The following CHRNB4 variants were observed in gnomAD, a reference collection of about 807,000 sequenced individuals.
The protein encoded by CHRNB4 is neuronal acetylcholine receptor subunit beta-4.
A neutral mutation model predicts 40.4 loss-of-function variants in CHRNB4; 23 were observed. The ratio of observed to expected loss-of-function variants is 0.57; its 90% CI spans 0.41 to 0.81. The LOEUF (loss-of-function observed/expected upper bound fraction) is 0.81, where lower values mean the gene tolerates loss of function less well. Ranked by LOEUF, CHRNB4 falls within the 30% of genes least tolerant of loss-of-function variation. The pLI is 0.00. For synonymous variants in CHRNB4, 285 were observed against 274.4 expected (o/e 1.04, Z -0.38); for missense variants, 568 against 670.6 (o/e 0.85, Z 1.69).
chr15:78,641,720 A>G (rs1232622218), upstream of CHRNB4, among the ~76,000 whole-genome samples: 1 of 152,198 alleles, frequency 6.6e-6, no homozygotes, highest in Admixed American at 6.5e-5. Context: ...TGAATAGCTC[A>G]GGGCCCCTCA....
At chr15:78,630,429 C>T (rs1389651059) in intron 4 of CHRNB4, among the ~76,000 whole-genome samples, 6 of 152,174 alleles carry the variant, frequency 3.9e-5, no homozygotes, top group Non-Finnish European at 8.8e-5. Flanking sequence ...TGAGCCACCA[C>T]ACCCGGCCCA....
At chr15:78,637,677 G>A (rs2053982046) in intron 1 of CHRNB4, among the ~76,000 whole-genome samples, 1 of 152,186 alleles carries the variant, frequency 6.6e-6, no homozygotes, top group Admixed American at 6.5e-5. Flanking sequence ...CTTAGGGGTG[G>A]GTGCTGGGCT....
At chr15:78,640,787 TCCAGCCCACTGC>T (rs1393089136) in intron 1 of CHRNB4, among the ~76,000 whole-genome samples, 4 of 152,294 alleles carry the variant, frequency 2.6e-5, no homozygotes, top group Non-Finnish European at 2.9e-5. Context: ...GCCGGTGTCA[TCCAGCCCACTGC>T]CCAGCCCACA....
chr15:78,657,188 C>T (rs191472705), intron 3 of CHRNB4: 4 of 152,194 alleles, frequency 2.6e-5, no homozygotes, highest in African/African-American at 9.6e-5. Context: ...CCACGACTGG[C>T]TAATTTTTGT....
Position 78,624,934 on chromosome 15 carries a change from C to T in CHRNB4, c.*199G>A, listed in dbSNP as rs1221604840. 6.7e-7 allele frequency: 1 copy of T among 1,486,572 alleles called. No homozygotes were observed. The highest frequency in any genetic ancestry group is 1.3e-5 in the South Asian group (1 of 76,520). 92.1% of individuals were successfully genotyped at this position (1,486,572 alleles called of 1,614,324 possible). ...CTGAAGCTCCCTCCTACTGGGGCTT[C>T]CTGGGATCCCTCCAAGGCATTCAGA... On this transcript the variant is annotated 3_prime_UTR_variant, in exon 6 of 6. Transcript: ENST00000261751.
rs779257686 is a variant in CHRNB4, at chr15:78,629,061, C to G, written c.1244G>C (p.Arg415Pro). The G allele has an allele frequency of 6.2e-7, 1 of 1,614,160 alleles. No homozygotes were observed. ...ATCCTGTCGGAACCTCCCAGAGGAC[C>G]GCAGCCAGAAATCCCTGGGGATAGC... ...PVAIPRDFWL[R>P]SSGRFRQDVQ... The change falls in exon 5 of 6, where the codon CGG becomes CCG. Residue 415 changes from arginine to proline, a missense_variant. Coordinates refer to ENST00000261751, the MANE Select transcript of CHRNB4 (RefSeq NM_000750.5). This position sits in a 1 kb window ranked among gnomAD's most constrained non-coding sequence, Gnocchi z 6.8.
intron 5 of CHRNB4, among the ~76,000 whole-genome samples, chr15:78,653,475 C>T (rs2054189219): frequency 6.6e-6 from 1 of 152,194 alleles, no homozygotes; most frequent in African/African-American, 2.4e-5. Flanking sequence ...CCTCACCTGG[C>T]TCCCCAGCTG....
intron 2 of CHRNB4, among the ~76,000 whole-genome samples, chr15:78,657,798 CG>C (rs1264146949): frequency 6.6e-6 from 1 of 151,990 alleles, no homozygotes; most frequent in African/African-American, 2.4e-5. Flanking sequence ...ATGATCTGCC[CG>C]CCTCGGCCTC....
chr15:78,625,379 A>C, intron 5 of CHRNB4, 88 bp from the exon 6 acceptor site: 1 of 1,276,512 alleles, frequency 7.8e-7, no homozygotes. Context: ...CTGGCCAGGG[A>C]CTCCACAGGC....
intron 5 of CHRNB4, 75 bp downstream of exon 5, chr15:78,628,892 A>G: frequency 6.6e-7 from 1 of 1,514,998 alleles, no homozygotes. Context: ...AATTAACTGC[A>G]GGAAGTGGGA....
chr15:78,632,912 A>C (rs1229275786), intron 2 of CHRNB4, among the ~76,000 whole-genome samples: 2 of 152,172 alleles, frequency 1.3e-5, no homozygotes, highest in African/African-American at 4.8e-5. Flanking sequence ...CTTCGTACGC[A>C]GCCCAAATAA....
intron 4 of CHRNB4, 122 bp from the exon 5 acceptor site, chr15:78,630,067 G>T: frequency 8.8e-7 from 1 of 1,134,134 alleles, no homozygotes; most frequent in Non-Finnish European, 1.2e-6. Flanking sequence ...CAATCCCCCA[G>T]GCCCTCACTG....
At chr15:78,626,434 GGT>G (rs932214017) in intron 5 of CHRNB4, 2 of 151,272 alleles carry the variant, frequency 1.3e-5, no homozygotes, top group Non-Finnish European at 2.9e-5. Context: ...AGTTAATCAG[GGT>G]GGGTAAAAGT....
rs1029430468 is a variant in CHRNB4 at position 78,641,141 on chromosome 15, G to A, written c.-8C>T. The A allele has an allele frequency of 1.9e-6, 3 of 1,551,836 alleles. No homozygotes were observed. The highest frequency in any genetic ancestry group is 1.4e-5 in the African/African-American group (1 of 72,462). On this transcript the variant is annotated 5_prime_UTR_variant, in exon 1 of 6. Coordinates refer to ENST00000261751, the MANE Select transcript of CHRNB4 (RefSeq NM_000750.5). ...GGAAGGCGCGCGCCTCATGGCCGGC[G>A]GGGCCGGGTGGCAGCCGCCGCGAGC... is the stretch of plus-strand genomic sequence containing the variant.
intron 5 of CHRNB4, 90 bp from the exon 6 acceptor site, chr15:78,625,381 TCCACAGG>T: frequency 2.4e-6 from 3 of 1,256,656 alleles, no homozygotes; most frequent in South Asian, 3.2e-5. Context: ...GGCCAGGGAC[TCCACAGG>T]CCACAGGCGT....
intron 1 of CHRNB4, among the ~76,000 whole-genome samples, chr15:78,659,172 G>C (rs548231686): frequency 6.6e-6 from 1 of 152,034 alleles, no homozygotes; most frequent in Non-Finnish European, 1.5e-5. Flanking sequence ...CTCATGCCTG[G>C]AGTCCCAGCA....
chr15:78,632,289 T>A (rs2053849552), intron 2 of CHRNB4, among the ~76,000 whole-genome samples: 1 of 143,546 alleles, frequency 7.0e-6, no homozygotes, highest in African/African-American at 2.6e-5. Flanking sequence ...CTCCCTTTCT[T>A]TCTTTTCTTT....
At chr15:78,658,700 A>G (rs1403883772) in intron 1 of CHRNB4, among the ~76,000 whole-genome samples, 1 of 152,224 alleles carries the variant, frequency 6.6e-6, no homozygotes, top group Non-Finnish European at 1.5e-5. Flanking sequence ...TGAAGCTATC[A>G]ATGTCCTCTT....
chr15:78,629,128 C>T lies in CHRNB4; in HGVS notation c.1177G>A (p.Ala393Thr), dbSNP rs962959008. 49 of 1,613,938 alleles carry T rather than the reference C, an allele frequency of 3.0e-5. No homozygotes were observed. Among genetic ancestry groups the T allele is most frequent in the Middle Eastern group, 3.3e-4 (2 of 6,084 alleles). The change falls in exon 5 of 6, where the codon GCC becomes ACC. Residue 393 changes from alanine to threonine, a missense_variant. Around this residue, in one of 4 missense-constraint regions of CHRNB4, gnomAD observed 242 missense variants for 274.9 expected, o/e 0.88. Coordinates refer to ENST00000261751, the MANE Select transcript of CHRNB4 (RefSeq NM_000750.5). This position sits in a 1 kb window ranked among gnomAD's most constrained non-coding sequence, Gnocchi z 6.8. Reference sequence around the variant, plus strand: ...GCTGGAGACTTGGAAGCTGCAGAGGCGGGGTTCACAAAGTACATGGAGTTC... The same window carrying T: ...GCTGGAGACTTGGAAGCTGCAGAGGTGGGGTTCACAAAGTACATGGAGTTC... The part of the protein sequence containing the change: ...YGNSMYFVNP[A>T]SAASKSPAGS...
Sources: gnomAD v4.1 joint callset for allele counts (sites outside exome capture counted in the v4.1 genomes callset) on GRCh38, gnomAD v4.1.1 for gene constraint, gnomAD v4.1.1 regional missense constraint, Gnocchi (gnomAD v3.1) non-coding constraint, MANE v1.5 for transcripts, NCBI Gene and HGNC (gene_info 2026-07-23, HGNC 2026-07-21) for gene names.